Variants in DOCK2 observed in about 807,000 individuals in gnomAD.
The protein encoded by DOCK2 is dedicator of cytokinesis 2, also known as dedicator of cytokinesis protein 2.
DOCK2 carries 87 observed loss-of-function variants against 248.9 expected under a neutral mutation model. The ratio of observed to expected loss-of-function variants is 0.35; its 90% CI spans 0.29 to 0.42. The LOEUF (loss-of-function observed/expected upper bound fraction) is 0.42. Among genes scored for constraint, DOCK2 ranks in the 10% least tolerant of loss-of-function variants. The pLI is 1.00. For missense variants in DOCK2, 1,747 were observed against 2,300.2 expected, an observed-to-expected ratio of 0.76 and a Z score of 4.92; for synonymous variants, 805 against 821.6, an observed-to-expected ratio of 0.98 and a Z score of 0.35.
At chr5:169,680,271 A>T (rs1184295825) in intron 6 of DOCK2, among the ~76,000 whole-genome samples, 1 of 152,224 alleles carries the variant, frequency 6.6e-6, no homozygotes, top group Non-Finnish European at 1.5e-5. Flanking sequence ...GGTTGTTATG[A>T]GAATTAAATG....
At chr5:169,649,043 G>A (rs1003908269) in intron 1 of DOCK2, among the ~76,000 whole-genome samples, 2 of 152,188 alleles carry the variant, frequency 1.3e-5, no homozygotes, top group African/African-American at 4.8e-5. Flanking sequence ...CCTGTCCAGA[G>A]ACTTCAGGCA....
chr5:170,022,730 C>G (rs1407031089), intron 33 of DOCK2, among the ~76,000 whole-genome samples: 1 of 143,894 alleles, frequency 6.9e-6, no homozygotes, highest in Non-Finnish European at 1.5e-5. Context: ...CAATTACCTG[C>G]TCATAGGTCT....
intron 27 of DOCK2, among the ~76,000 whole-genome samples, chr5:169,919,919 C>G (rs1005481120): frequency 5.9e-5 from 9 of 152,132 alleles, no homozygotes; most frequent in Non-Finnish European, 1.2e-4. Flanking sequence ...TTATTTTTGC[C>G]TTTCTTATTT....
rs150190419 is a variant in DOCK2 at position 169,669,244 on chromosome 5, C to G, written c.128-44C>G. ...AAAACAGAAAAACACTAGCAACAAA[C>G]TTGTAATAAATGAGGGAACTGTTTC... is the stretch of plus-strand genomic sequence containing the variant. On this transcript the variant is annotated intron_variant, in intron 2 of 51. Coordinates refer to ENST00000520908, the MANE Select transcript of DOCK2 (RefSeq NM_004946.3). The G allele has an allele frequency of 3.0e-4, 482 of 1,609,998 alleles. 3 individuals carry two copies. In the African/African-American group the frequency reaches 6.0e-3, roughly 20 times the overall value.
chr5:169,810,981 T>TCA (rs1246188439), intron 26 of DOCK2, among the ~76,000 whole-genome samples: 362 of 142,122 alleles, frequency 2.5e-3, no homozygotes, highest in African/African-American at 8.8e-3. Context: ...ACTCTCTCTC[T>TCA]CTCTCTCTCA....
chr5:169,783,382 G>A (rs1010984756), intron 25 of DOCK2, among the ~76,000 whole-genome samples: 1 of 152,136 alleles, frequency 6.6e-6, no homozygotes, highest in Non-Finnish European at 1.5e-5. Context: ...TAGTTGAATT[G>A]TATTCATCGG....
chr5:169,907,300 G>A (rs1360098529), intron 27 of DOCK2, among the ~76,000 whole-genome samples: 1 of 152,172 alleles, frequency 6.6e-6, no homozygotes, highest in East Asian at 1.9e-4. Flanking sequence ...CCCAATTTTA[G>A]GAGAAGATTC....
At chr5:170,044,507 T>TGGGGAGAGCGTTTCTTC (rs1756630511) in intron 38 of DOCK2, among the ~76,000 whole-genome samples, 1 of 151,928 alleles carries the variant, frequency 6.6e-6, no homozygotes. Context: ...AGCGTTTCTT[T>TGGGGAGAGCGTTTCTTC]TCCCTGTTCA....
intron 27 of DOCK2, among the ~76,000 whole-genome samples, chr5:169,930,213 A>G (rs1196541261): frequency 6.6e-6 from 1 of 152,112 alleles, no homozygotes; most frequent in Non-Finnish European, 1.5e-5. Context: ...GATGGTCTCA[A>G]TCTCCTGACC....
intron 2 of DOCK2, among the ~76,000 whole-genome samples, chr5:169,664,263 A>G (rs1758600482): frequency 6.6e-6 from 1 of 152,308 alleles, no homozygotes; most frequent in African/African-American, 2.4e-5. Flanking sequence ...TTTCCATCTG[A>G]GAGCACCTCA....
chr5:169,929,903 C>A (rs1396810271), intron 27 of DOCK2, among the ~76,000 whole-genome samples: 1 of 152,124 alleles, frequency 6.6e-6, no homozygotes, highest in Non-Finnish European at 1.5e-5. Flanking sequence ...GCCACACATG[C>A]CTGTTAAACA....
chr5:169,917,991 G>C (rs575869028), intron 27 of DOCK2, among the ~76,000 whole-genome samples: 1 of 152,158 alleles, frequency 6.6e-6, no homozygotes, highest in Non-Finnish European at 1.5e-5. Flanking sequence ...GTGTGTTCTC[G>C]TTACAGAATT....
At chr5:169,932,761 T>C (rs575686608) in intron 27 of DOCK2, among the ~76,000 whole-genome samples, 14 of 152,334 alleles carry the variant, frequency 9.2e-5, no homozygotes, top group Admixed American at 2.0e-4. Flanking sequence ...GATCCTTTCC[T>C]ATAAATATAC....
chr5:170,001,153 C>T (rs547119436), intron 30 of DOCK2, among the ~76,000 whole-genome samples: 1 of 152,302 alleles, frequency 6.6e-6, no homozygotes, highest in East Asian at 1.9e-4. Context: ...CCTTCCACTC[C>T]CCAAATCAGA....
At chr5:169,974,615 C>T (rs564559492) in intron 27 of DOCK2, among the ~76,000 whole-genome samples, 7 of 152,034 alleles carry the variant, frequency 4.6e-5, no homozygotes, top group Non-Finnish European at 1.0e-4. Flanking sequence ...AGAGTGGGAG[C>T]GGAGCTGCTT....
At chr5:169,916,514 CCACTGA>C in intron 27 of DOCK2, among the ~76,000 whole-genome samples, 2 of 152,298 alleles carry the variant, frequency 1.3e-5, no homozygotes, top group South Asian at 4.1e-4. Flanking sequence ...CATGGCTCTG[CCACTGA>C]CTAGCTATTG....
chr5:169,691,503 G>A (rs1247440165), intron 9 of DOCK2, among the ~76,000 whole-genome samples: 1 of 152,168 alleles, frequency 6.6e-6, no homozygotes. Flanking sequence ...GTGCAGTGGG[G>A]TTAAATTCAG....
At chr5:169,883,495 T>C (rs1772789345) in intron 27 of DOCK2, 1 of 1,551,552 alleles carries the variant, frequency 6.4e-7, no homozygotes, top group Admixed American at 2.0e-5. Flanking sequence ...GAGGTTACCG[T>C]TGACCTGGAT....
intron 22 of DOCK2, among the ~76,000 whole-genome samples, chr5:169,743,855 GATA>G (rs1763461478): frequency 6.8e-6 from 1 of 147,826 alleles, no homozygotes; most frequent in Admixed American, 6.8e-5. Flanking sequence ...AAGACATATA[GATA>G]ATATATAATT....
Sources: allele counts gnomAD v4.1 joint callset (sites outside exome capture counted in the v4.1 genomes callset), GRCh38; gene constraint gnomAD v4.1.1; transcripts MANE v1.5; gene names NCBI Gene and HGNC (gene_info 2026-07-23, HGNC 2026-07-21).